PDE4D: variants seen among roughly 807,000 people sequenced by gnomAD.
PDE4D encodes 3',5'-cyclic-AMP phosphodiesterase 4D.
A neutral mutation model predicts 87.4 loss-of-function variants in PDE4D; 24 were observed. The ratio of observed to expected loss-of-function variants is 0.27; its 90% CI spans 0.20 to 0.39. The LOEUF (loss-of-function observed/expected upper bound fraction) is 0.39. Ranked by LOEUF, PDE4D falls within the 10% of genes least tolerant of loss-of-function variation. The pLI, the probability that PDE4D is intolerant of heterozygous loss-of-function variation, is 1.00. For synonymous variants in PDE4D, 384 were observed against 383.2 expected, an observed-to-expected ratio of 1.00 and a Z score of -0.02; for missense variants, 714 against 1,041.0, an observed-to-expected ratio of 0.69 and a Z score of 4.32.
intron 1 of PDE4D, among the ~76,000 whole-genome samples, chr5:60,263,649 C>T (rs1446846061): frequency 6.6e-6 from 1 of 152,120 alleles, no homozygotes; most frequent in Admixed American, 6.6e-5. Flanking sequence ...TTAATGTAAG[C>T]TCAAACAAAC....
chr5:59,808,717 G>A (rs1768011935), intron 1 of PDE4D, among the ~76,000 whole-genome samples: 1 of 152,066 alleles, frequency 6.6e-6, no homozygotes, highest in Non-Finnish European at 1.5e-5. Flanking sequence ...CATTCCTTTA[G>A]TATTTTTACA....
chr5:59,576,890 A>T (rs978164653), intron 1 of PDE4D, among the ~76,000 whole-genome samples: 1 of 152,182 alleles, frequency 6.6e-6, no homozygotes, highest in Admixed American at 6.6e-5. Flanking sequence ...TTTAAGACTC[A>T]AATGCCTTAC....
chr5:59,381,292 A>G (rs1785789045), intron 1 of PDE4D, among the ~76,000 whole-genome samples: 1 of 152,164 alleles, frequency 6.6e-6, no homozygotes, highest in Non-Finnish European at 1.5e-5. Flanking sequence ...TGACTTCGAT[A>G]TTAATATGAT....
intron 1 of PDE4D, among the ~76,000 whole-genome samples, chr5:59,859,470 C>T (rs1396565450): frequency 6.6e-6 from 1 of 152,176 alleles, no homozygotes; most frequent in Non-Finnish European, 1.5e-5. Context: ...TAATTCCAAA[C>T]AGTTCACATG....
intron 1 of PDE4D, among the ~76,000 whole-genome samples, chr5:59,649,017 T>C (rs779627180): frequency 5.9e-5 from 9 of 152,186 alleles, no homozygotes; most frequent in Non-Finnish European, 8.8e-5. Flanking sequence ...GATTCTTATA[T>C]ATAGGAAATC....
chr5:60,244,538 A>T (rs1015351423), intron 1 of PDE4D, among the ~76,000 whole-genome samples: 1 of 152,054 alleles, frequency 6.6e-6, no homozygotes, highest in African/African-American at 2.4e-5. Flanking sequence ...ACATTACCTG[A>T]CTTCCAAATT....
intron 1 of PDE4D, among the ~76,000 whole-genome samples, chr5:60,248,990 C>A (rs1748118799): frequency 6.6e-6 from 1 of 151,988 alleles, no homozygotes; most frequent in South Asian, 2.1e-4. Context: ...CAAGAGCCAC[C>A]ACTGTTTCCT....
chr5:60,394,867 G>T (rs578067303), intron 1 of PDE4D, among the ~76,000 whole-genome samples: 16 of 152,170 alleles, frequency 1.1e-4, no homozygotes, highest in African/African-American at 3.6e-4. Flanking sequence ...CTCTCATCTG[G>T]GGTTTTCCAC....
chr5:59,477,882 T>C (rs957311823), intron 1 of PDE4D, among the ~76,000 whole-genome samples: 1 of 152,084 alleles, frequency 6.6e-6, no homozygotes, highest in Admixed American at 6.6e-5. Flanking sequence ...CAAAATCATG[T>C]CCTCTGCAGC....
At chr5:59,408,597 C>T (rs1385811438) in intron 1 of PDE4D, among the ~76,000 whole-genome samples, 1 of 152,164 alleles carries the variant, frequency 6.6e-6, no homozygotes, top group Admixed American at 6.5e-5. Context: ...TGGCAGCTTG[C>T]ATCCTATACC....
chr5:60,003,853 T>A (rs186723900), intron 2 of PDE4D, among the ~76,000 whole-genome samples: 2 of 151,606 alleles, frequency 1.3e-5, no homozygotes, highest in African/African-American at 4.8e-5. Flanking sequence ...TGGAACAGAA[T>A]AGAGATCCCA....
Position 59,192,073 on chromosome 5 carries a change from G to C in PDE4D, c.684+1427C>G, listed in dbSNP as rs151304182. 4.0e-3 allele frequency among the ~76,000 whole-genome samples: 603 copies of C among 152,020 alleles called. 2 individuals carry two copies. Among genetic ancestry groups the C allele is most frequent in the African/African-American group, 0.014 (581 of 41,464 alleles). On this transcript the variant is annotated intron_variant, in intron 3 of 14. Coordinates refer to ENST00000340635, the MANE Select transcript of PDE4D (RefSeq NM_001104631.2). ...TGGTGATTGTATTTTATTTTTAATT[G>C]CCTGCATTAATTTAAAAAGTTACTA...
chr5:59,132,856 T>C (rs995775375), intron 5 of PDE4D, among the ~76,000 whole-genome samples: 14 of 152,214 alleles, frequency 9.2e-5, no homozygotes, highest in Admixed American at 8.5e-4. Flanking sequence ...TGTTGTTGAA[T>C]GTGTTCAGTC....
chr5:59,682,893 T>C (rs1749257912), intron 1 of PDE4D, among the ~76,000 whole-genome samples: 1 of 152,176 alleles, frequency 6.6e-6, no homozygotes, highest in Admixed American at 6.5e-5. Context: ...ATAAATGTCA[T>C]GAAATAGTCT....
At chr5:60,289,607 G>A (rs1261744976) in intron 1 of PDE4D, among the ~76,000 whole-genome samples, 1 of 152,162 alleles carries the variant, frequency 6.6e-6, no homozygotes, top group Non-Finnish European at 1.5e-5. Context: ...TACTGAGATG[G>A]TTATAGAATC....
chr5:59,214,331 A>G (rs181835579), intron 2 of PDE4D, among the ~76,000 whole-genome samples: 141 of 152,120 alleles, frequency 9.3e-4, no homozygotes, highest in African/African-American at 3.1e-3. Context: ...TGTATTTGAA[A>G]TTTTCTTCTC....
chr5:59,625,214 G>A (rs1211564907), intron 1 of PDE4D, among the ~76,000 whole-genome samples: 1 of 152,152 alleles, frequency 6.6e-6, no homozygotes, highest in Non-Finnish European at 1.5e-5. Flanking sequence ...TGAGAGGGGA[G>A]GTCTTCCACG....
intron 1 of PDE4D, among the ~76,000 whole-genome samples, chr5:59,311,942 C>T (rs1057303903): frequency 6.6e-6 from 1 of 152,158 alleles, no homozygotes; most frequent in African/African-American, 2.4e-5. Flanking sequence ...GCTGATTCCT[C>T]TCCAACATTT....
chr5:59,732,043 C>T (rs1299286623), intron 1 of PDE4D, among the ~76,000 whole-genome samples: 1 of 152,172 alleles, frequency 6.6e-6, no homozygotes, highest in African/African-American at 2.4e-5. Context: ...AAATTGCTGA[C>T]ATCTTCCAAA....
Sources: allele counts gnomAD v4.1 joint callset (sites outside exome capture counted in the v4.1 genomes callset), GRCh38; gene constraint gnomAD v4.1.1; transcripts MANE v1.5; gene names NCBI Gene and HGNC (gene_info 2026-07-23, HGNC 2026-07-21).